Variants in PLXNA4 observed in about 807,000 individuals in gnomAD.
PLXNA4 encodes the protein plexin-A4.
PLXNA4 carries 44 observed loss-of-function variants against 191.8 expected under a neutral mutation model. That is an observed-to-expected ratio of 0.23 (90% CI 0.18 to 0.29). PLXNA4 has a LOEUF of 0.29. Among genes scored for constraint, PLXNA4 ranks in the 10% least tolerant of loss-of-function variants. The pLI is 1.00. For missense variants in PLXNA4, 1,800 were observed against 2,488.8 expected, an observed-to-expected ratio of 0.72 and a Z score of 5.89; for synonymous variants, 1,082 against 1,009.5, an observed-to-expected ratio of 1.07 and a Z score of -1.36.
chr7:132,210,529 A>G (rs1319338287), intron 10 of PLXNA4, among the ~76,000 whole-genome samples: 1 of 152,172 alleles, frequency 6.6e-6, no homozygotes, highest in Middle Eastern at 3.2e-3. Context: ...GTAGGTGTGA[A>G]GGTGGTGGGA....
At chr7:132,416,809 TG>T (rs1794676949) in intron 3 of PLXNA4, among the ~76,000 whole-genome samples, 1 of 152,218 alleles carries the variant, frequency 6.6e-6, no homozygotes, top group Non-Finnish European at 1.5e-5. Flanking sequence ...AATGGATGTT[TG>T]GCTGGATGGA....
At chr7:132,541,642 T>C (rs1427091062) in intron 1 of PLXNA4, among the ~76,000 whole-genome samples, 3 of 152,272 alleles carry the variant, frequency 2.0e-5, no homozygotes, top group African/African-American at 4.8e-5. Context: ...AAACAACTTC[T>C]CCATAAATAC....
intron 3 of PLXNA4, among the ~76,000 whole-genome samples, chr7:132,438,186 G>C (rs1289117354): frequency 1.3e-5 from 2 of 152,184 alleles, no homozygotes; most frequent in African/African-American, 4.8e-5. Flanking sequence ...TTAAAGGTTG[G>C]TTAGGACCAC....
At chr7:132,262,735 G>A (rs998423017) in intron 4 of PLXNA4, among the ~76,000 whole-genome samples, 1 of 152,176 alleles carries the variant, frequency 6.6e-6, no homozygotes, top group Non-Finnish European at 1.5e-5. Context: ...GCATTTCGGG[G>A]GAAGGGGGAG....
intron 14 of PLXNA4, among the ~76,000 whole-genome samples, chr7:132,189,558 C>A (rs1797022963): frequency 6.6e-6 from 1 of 152,112 alleles, no homozygotes; most frequent in African/African-American, 2.4e-5. Context: ...ACAAATCTTC[C>A]CTCTAGCCTT....
chr7:132,498,820 G>A (rs1798133597), intron 2 of PLXNA4, among the ~76,000 whole-genome samples: 1 of 152,134 alleles, frequency 6.6e-6, no homozygotes, highest in African/African-American at 2.4e-5. Flanking sequence ...TGTTTTAGGA[G>A]GTGGGGCTGG....
chr7:132,423,429 AG>A (rs1171169764), intron 3 of PLXNA4, among the ~76,000 whole-genome samples: 3 of 152,162 alleles, frequency 2.0e-5, no homozygotes, highest in Non-Finnish European at 4.4e-5. Context: ...ACACTGCAGC[AG>A]AGAGAATGAA....
At chr7:132,486,470 TC>T (rs1419256004) in intron 3 of PLXNA4, among the ~76,000 whole-genome samples, 36 of 152,310 alleles carry the variant, frequency 2.4e-4, no homozygotes, top group African/African-American at 8.4e-4. Context: ...CTCAGACTGT[TC>T]CCCTGGGCCA....
intron 1 of PLXNA4, among the ~76,000 whole-genome samples, chr7:132,559,506 TGCCCG>T (rs1300545265): frequency 6.6e-6 from 1 of 152,206 alleles, no homozygotes; most frequent in Admixed American, 6.5e-5. Context: ...GTATAAATGA[TGCCCG>T]GGCTAGTCAG....
intron 3 of PLXNA4, among the ~76,000 whole-genome samples, chr7:132,339,742 T>A (rs527740934): frequency 6.6e-6 from 1 of 152,190 alleles, no homozygotes; most frequent in Non-Finnish European, 1.5e-5. Flanking sequence ...TAGGTTAGGA[T>A]GGAATATTCA....
chr7:132,613,752 AACACGGCC>A (rs1161640530), intron 2 of PLXNA4, among the ~76,000 whole-genome samples: 1 of 152,242 alleles, frequency 6.6e-6, no homozygotes, highest in Non-Finnish European at 1.5e-5. Flanking sequence ...AAATAAACAA[AACACGGCC>A]ACAAGGACCT....
intron 25 of PLXNA4, among the ~76,000 whole-genome samples, chr7:132,153,487 G>A (rs969963112): frequency 3.3e-5 from 5 of 152,168 alleles, no homozygotes; most frequent in African/African-American, 1.2e-4. Context: ...GAAGGTAGTG[G>A]GGCAGGGGTG....
rs867762798 is a variant in PLXNA4, at chr7:132,185,461, C to A, written c.2996G>T (p.Arg999Leu). Residue 999 changes from arginine (R) to leucine (L), a missense_variant and splice_region_variant, in exon 16 of 32, where the codon CGA (arginine) becomes CTA (leucine). By Grantham distance (102) the Arg-to-Leu change is moderately radical. Coordinates refer to ENST00000321063, the MANE Select transcript of PLXNA4 (RefSeq NM_020911.2). ...FGKQPCLFHR[R>L]SPSYIVCNTT... is the part of the protein sequence containing the mutation. ...GTTGCAGACAATGTAGGATGGAGAT[C>A]GCCTGGAGGGCAGGAAGACAGAGCA... The A allele has an allele frequency of 6.2e-7, 1 of 1,611,238 alleles. No homozygotes were observed. The highest frequency in any genetic ancestry group is 1.7e-5 in the Admixed American group (1 of 59,852).
At chr7:132,616,381 A>G (rs1803157416) in intron 2 of PLXNA4, among the ~76,000 whole-genome samples, 3 of 152,114 alleles carry the variant, frequency 2.0e-5, no homozygotes. Flanking sequence ...CATAATGGGA[A>G]TTTCATAGCC....
chr7:132,345,257 C>A (rs1323740185), intron 3 of PLXNA4, among the ~76,000 whole-genome samples: 2 of 152,172 alleles, frequency 1.3e-5, no homozygotes, highest in African/African-American at 2.4e-5. Flanking sequence ...GGTTGGCAAA[C>A]TTTTCTGTTA....
At chr7:132,447,202 C>T (rs1053073277) in intron 3 of PLXNA4, among the ~76,000 whole-genome samples, 1 of 152,136 alleles carries the variant, frequency 6.6e-6, no homozygotes. Context: ...AATGGAATAG[C>T]GCATCACCTG....
At chr7:132,343,339 C>T (rs983970336) in intron 3 of PLXNA4, among the ~76,000 whole-genome samples, 1 of 152,326 alleles carries the variant, frequency 6.6e-6, no homozygotes, top group East Asian at 1.9e-4. Context: ...ACCATCCATT[C>T]ATCCATGGAA....
At chr7:132,383,142 T>C (rs1804967562) in intron 3 of PLXNA4, among the ~76,000 whole-genome samples, 1 of 152,118 alleles carries the variant, frequency 6.6e-6, no homozygotes, top group Non-Finnish European at 1.5e-5. Flanking sequence ...CCATGCTCCC[T>C]CTCTCTGAAG....
chr7:132,302,783 C>A (rs1284459100), intron 3 of PLXNA4, among the ~76,000 whole-genome samples: 1 of 152,116 alleles, frequency 6.6e-6, no homozygotes, highest in Non-Finnish European at 1.5e-5. Context: ...AGAAGACACA[C>A]TGACCAGTGG....
Sources: gnomAD v4.1 joint callset for allele counts (sites outside exome capture counted in the v4.1 genomes callset) on GRCh38, gnomAD v4.1.1 for gene constraint, MANE v1.5 for transcripts, NCBI Gene and HGNC (gene_info 2026-07-23, HGNC 2026-07-21) for gene names.